The following LRTM2 variants were observed in gnomAD, a reference collection of about 807,000 sequenced individuals.
The protein encoded by LRTM2 is leucine-rich repeat and transmembrane domain-containing protein 2.
Under a neutral mutation model 28.1 loss-of-function variants are expected in LRTM2, and 18 were observed. The observed-to-expected ratio is 0.64, with a 90% CI of 0.44 to 0.95. LRTM2 has a LOEUF of 0.95. Ranked by LOEUF, LRTM2 falls within the 40% of genes least tolerant of loss-of-function variation. The pLI, the probability that LRTM2 is intolerant of heterozygous loss-of-function variation, is 0.00. For missense variants in LRTM2, 436 were observed against 497.2 expected (o/e 0.88, Z 1.17); for synonymous variants, 250 against 218.7 (o/e 1.14, Z -1.26).
rs1864532924 is a variant in LRTM2, at chr12:1,829,724, G to GGCT, written c.68-1210_68-1209insCTG. ...CCCGACCTGGGACAGCCAGGTCCCA[G>GGCT]GTCCCATGTCAGGGTGGGCCGATGG... On this transcript the variant is annotated intron_variant, in intron 3 of 4. Transcript: ENST00000299194. The surrounding 1 kb of genome is among the most constrained non-coding windows in gnomAD (Gnocchi z 4.2). 6.7e-6 allele frequency among the ~76,000 whole-genome samples: 1 copy of GGCT among 149,044 alleles called. No individual in the cohort carries two copies. The highest frequency in any genetic ancestry group is 6.7e-5 in the Admixed American group (1 of 15,020).
intron 3 of LRTM2, among the ~76,000 whole-genome samples, chr12:1,830,323 T>C (rs1864564737): frequency 6.6e-6 from 1 of 152,154 alleles, no homozygotes; most frequent in South Asian, 2.1e-4. Flanking sequence ...GGGTGTGGGA[T>C]TGATGGAAAC....
chr12:1,828,226 C>T lies in LRTM2; in HGVS notation c.67+11C>T. ...GGAGGCAAGTCTCCTGTGAGTACAC[C>T]CCTGGCCTCGGAGGGGGGTGCGGGT... On this transcript the variant is annotated intron_variant, in intron 3 of 4. Coordinates refer to ENST00000299194, the MANE Select transcript of LRTM2 (RefSeq NM_001039029.3). The surrounding 1 kb of genome is among the most constrained non-coding windows in gnomAD (Gnocchi z 4.2). 2 of 1,537,644 alleles carry T rather than the reference C, an allele frequency of 1.3e-6. No individual in the cohort carries two copies. The highest frequency in any genetic ancestry group is 1.8e-6 in the Non-Finnish European group (2 of 1,141,064).
intron 1 of LRTM2, chr12:1,822,204 T>C (rs890234625): frequency 6.6e-6 from 1 of 152,306 alleles, no homozygotes; most frequent in African/African-American, 2.4e-5. Context: ...GAAGCTTGTC[T>C]GGGCCCACGA....
intron 1 of LRTM2, among the ~76,000 whole-genome samples, chr12:1,826,403 C>T (rs1376734501): frequency 3.8e-5 from 1 of 26,068 alleles, no homozygotes; most frequent in Non-Finnish European, 9.8e-5. Context: ...ACCCAGAGCC[C>T]CCCCCCCCCC....
chr12:1,831,747 A>ACCCCCCCCCCCCCCCCCCCCCCCCTCCC (rs1555178968), intron 4 of LRTM2, among the ~76,000 whole-genome samples: 2 of 114,316 alleles, frequency 1.7e-5, no homozygotes, highest in Non-Finnish European at 3.7e-5. Flanking sequence ...TGCTCCCTCC[A>ACCCCCCCCCCCCCCCCCCCCCCCCTCCC]CCCCCACCCT....
At chr12:1,830,750 T>A (rs6489332) in intron 3 of LRTM2, among the ~76,000 whole-genome samples, 185 bp from the exon 4 acceptor site, 8,234 of 152,302 alleles carry the variant, frequency 0.054, 693 homozygotes, top group African/African-American at 0.17. Context: ...TCCATTAATA[T>A]GGAAGTGGCT....
chr12:1,833,911 G>A lies in LRTM2; in HGVS notation c.659-356G>A, dbSNP rs1362426789. On this transcript the variant is annotated intron_variant, in intron 4 of 4. Coordinates refer to ENST00000299194, the MANE Select transcript of LRTM2 (RefSeq NM_001039029.3). The surrounding 1 kb of genome is among the most constrained non-coding windows in gnomAD (Gnocchi z 4.2). ...GCTCTCTAATGACAGCCCTTTCCTG[G>A]GAACCTCCCCATGTTAGCACTGCCT... Among the ~76,000 whole-genome samples the A allele has an allele frequency of 6.6e-6, 1 of 152,154 alleles. No homozygotes were observed. The highest frequency in any genetic ancestry group is 6.5e-5 in the Admixed American group (1 of 15,278).
At position 1,833,309 on chromosome 12, in the gene LRTM2, C is replaced by G. The variant is rs1864712783; in HGVS notation, c.659-958C>G. Reference sequence around the variant, plus strand: ...ATCTTTTCGGCAGGGGGTCTAGTGCCTGCATCCAGATTTCACTGGAAGCTG... The same window carrying G: ...ATCTTTTCGGCAGGGGGTCTAGTGCGTGCATCCAGATTTCACTGGAAGCTG... On this transcript the variant is annotated intron_variant, in intron 4 of 4. Transcript: ENST00000299194. This position sits in a 1 kb window ranked among gnomAD's most constrained non-coding sequence, Gnocchi z 4.2. 6.6e-6 allele frequency among the ~76,000 whole-genome samples: 1 copy of G among 152,166 alleles called. No homozygotes were observed. Among genetic ancestry groups the G allele is most frequent in the East Asian group, 1.9e-4 (1 of 5,196 alleles).
intron 1 of LRTM2, among the ~76,000 whole-genome samples, chr12:1,825,156 C>A (rs536600771): frequency 6.6e-6 from 1 of 152,354 alleles, no homozygotes; most frequent in African/African-American, 2.4e-5. Context: ...GATGGGACCT[C>A]CAGACCTGCA....
At position 1,831,126 on chromosome 12, in the gene LRTM2, G is replaced by A; in HGVS notation, c.259G>A (p.Ala87Thr). The part of the protein sequence containing the change: ...NNKLSALPSW[A>T]FANLSSLQRL... ...TAAGCTGAGTGCCCTGCCAAGCTGG[G>A]CTTTCGCCAACCTCTCCAGCCTGCA... Residue 87 changes from alanine (A) to threonine (T), a missense_variant, in exon 4 of 5, where the codon GCT (alanine) becomes ACT (threonine). Ala to Thr is a moderately conservative substitution (Grantham distance 58). Coordinates refer to ENST00000299194, the MANE Select transcript of LRTM2 (RefSeq NM_001039029.3). 1 of 1,613,952 alleles carries A rather than the reference G, an allele frequency of 6.2e-7. No homozygotes were observed. The highest frequency in any genetic ancestry group is 1.1e-5 in the South Asian group (1 of 91,086).
rs746885379 is a variant in LRTM2 at position 1,831,069 on chromosome 12, G to C, written c.202G>C (p.Ala68Pro). The C allele has an allele frequency of 1.3e-5, 21 of 1,613,856 alleles. No individual in the cohort carries two copies. The highest frequency in any genetic ancestry group is 1.6e-4 in the Middle Eastern group (1 of 6,084). ...CACCACGGTGCCCCCAGACGTGCCCGCAGCCACCCGAACCCTCTTGCTCTT... is the reference window on the plus strand; with the variant it reads ...CACCACGGTGCCCCCAGACGTGCCCCCAGCCACCCGAACCCTCTTGCTCTT... The part of the protein sequence containing the change: ...GLTTVPPDVP[A>P]ATRTLLLLNN... The change falls in exon 4 of 5, where the codon GCA becomes CCA. Residue 68 changes from alanine to proline, a missense_variant. Coordinates refer to ENST00000299194, the MANE Select transcript of LRTM2 (RefSeq NM_001039029.3).
At position 1,830,971 on chromosome 12, in the gene LRTM2, C is replaced by T. The variant is rs555844852; in HGVS notation, c.104C>T (p.Ala35Val). 1.3e-5 allele frequency: 21 copies of T among 1,612,734 alleles called. No homozygotes were observed. Among genetic ancestry groups the T allele is most frequent in the Middle Eastern group, 1.7e-4 (1 of 6,056 alleles). Residue 35 changes from alanine (A) to valine (V), a missense_variant, in exon 4 of 5, where the codon GCC becomes GTC. By Grantham distance (64) the Ala-to-Val change is moderately conservative (BLOSUM62 0). Coordinates refer to ENST00000299194, the MANE Select transcript of LRTM2 (RefSeq NM_001039029.3). ...TGGATCGCCCTGTATGCTGTGGAGG[C>T]CCTCCCCACCTGCCCTTTCTCCTGC... ...TCWIALYAVE[A>V]LPTCPFSCKC...
At chr12:1,827,169 C>T (rs970888195) in intron 1 of LRTM2, among the ~76,000 whole-genome samples, 9 of 151,796 alleles carry the variant, frequency 5.9e-5, no homozygotes, top group Non-Finnish European at 1.0e-4. Context: ...CAGGTAAACA[C>T]ATGCCAGTCC....
intron 1 of LRTM2, among the ~76,000 whole-genome samples, chr12:1,826,054 C>T (rs76153188): frequency 0.035 from 5,307 of 152,134 alleles, 184 homozygotes; most frequent in African/African-American, 0.076. Flanking sequence ...TCCACAGGCC[C>T]GGGGTGCTCA....
At chr12:1,832,692 C>T (rs1305918854) in intron 4 of LRTM2, among the ~76,000 whole-genome samples, 7 of 152,324 alleles carry the variant, frequency 4.6e-5, no homozygotes, top group African/African-American at 1.2e-4. Flanking sequence ...TCATTTCCCC[C>T]ATTTTCATGA....
Position 1,828,872 on chromosome 12 carries a change from C to T in LRTM2, c.67+657C>T, listed in dbSNP as rs548328397. On this transcript the variant is annotated intron_variant, in intron 3 of 4. Coordinates refer to ENST00000299194, the MANE Select transcript of LRTM2 (RefSeq NM_001039029.3). This position sits in a 1 kb window ranked among gnomAD's most constrained non-coding sequence, Gnocchi z 4.2. ...TTGGCAGCTGTCAGGGTGAAAGGAG[C>T]CCTGAGAATTCTCTTTATATGTGGC... Among the ~76,000 whole-genome samples, 1 of 152,290 alleles carries T rather than the reference C, an allele frequency of 6.6e-6. No individual in the cohort carries two copies. Among genetic ancestry groups the T allele is most frequent in the African/African-American group, 2.4e-5 (1 of 41,558 alleles).
At position 1,833,365 on chromosome 12, in the gene LRTM2, T is replaced by C. The variant is rs536193641; in HGVS notation, c.659-902T>C. ...GGGCCAGAATCCAACTTTCACTTCC[T>C]AGGGGAGGTCTAGACAGATTATTGT... On this transcript the variant is annotated intron_variant, in intron 4 of 4. Coordinates refer to ENST00000299194, the MANE Select transcript of LRTM2 (RefSeq NM_001039029.3). This position sits in a 1 kb window ranked among gnomAD's most constrained non-coding sequence, Gnocchi z 4.2. Among the ~76,000 whole-genome samples the C allele has an allele frequency of 2.6e-5, 4 of 152,266 alleles. No individual in the cohort carries two copies. The highest frequency in any genetic ancestry group is 9.6e-5 in the African/African-American group (4 of 41,554).
In LRTM2 at chr12:1,827,427, C is replaced by T. The variant is rs189078989; in HGVS notation, c.-241C>T. 5 of 152,970 alleles carry T rather than the reference C, an allele frequency of 3.3e-5. No homozygotes were observed. Among genetic ancestry groups the T allele is most frequent in the Non-Finnish European group, 5.9e-5 (4 of 68,212 alleles). The allele number at this position is 152,970 out of a possible 1,614,324, so 9.5% of individuals were successfully genotyped here. A position where few individuals can be genotyped will look rare whatever the true frequency, so the allele number is the denominator to read the frequency against. Reference sequence around the variant, plus strand: ...CCTAGCAGCTGCCGCAGCATGAACCCCTGAGCTGATGAGTCTTATTATAGC... The same window carrying T: ...CCTAGCAGCTGCCGCAGCATGAACCTCTGAGCTGATGAGTCTTATTATAGC... On this transcript the variant is annotated 5_prime_UTR_variant, in exon 2 of 5. Transcript: ENST00000299194.
chr12:1,827,999 C>G, intron 2 of LRTM2, 77 bp from the exon 3 acceptor site: 1 of 559,020 alleles, frequency 1.8e-6, no homozygotes, highest in Non-Finnish European at 3.0e-6. Flanking sequence ...AAAGAGACAC[C>G]CGGGCCCTCT....
Sources: allele counts gnomAD v4.1 joint callset (sites outside exome capture counted in the v4.1 genomes callset), GRCh38; gene constraint gnomAD v4.1.1; non-coding constraint Gnocchi (gnomAD v3.1); transcripts MANE v1.5; gene names NCBI Gene and HGNC (gene_info 2026-07-23, HGNC 2026-07-21).